IPO11: variants seen among roughly 807,000 people sequenced by gnomAD.
The protein encoded by IPO11 is importin-11.
IPO11 carries 66 observed loss-of-function variants against 143.2 expected under a neutral mutation model. The ratio of observed to expected loss-of-function variants is 0.46; its 90% CI spans 0.38 to 0.57. The LOEUF (loss-of-function observed/expected upper bound fraction) is 0.57, where lower values mean the gene tolerates loss of function less well. Ranked by LOEUF, IPO11 falls within the 20% of genes least tolerant of loss-of-function variation. IPO11 has a pLI of 0.00. For missense variants in IPO11, 1,026 were observed against 1,141.0 expected, an observed-to-expected ratio of 0.90 and a Z score of 1.45; for synonymous variants, 385 against 377.8, an observed-to-expected ratio of 1.02 and a Z score of -0.22.
intron 29 of IPO11, among the ~76,000 whole-genome samples, chr5:62,612,912 G>C (rs985517329): frequency 2.6e-5 from 4 of 152,216 alleles, no homozygotes; most frequent in Non-Finnish European, 4.4e-5. Flanking sequence ...AAGTTTGTAA[G>C]TCTGTAGGAA....
intron 2 of IPO11, among the ~76,000 whole-genome samples, chr5:62,439,890 C>T (rs370854841): frequency 3.9e-5 from 6 of 152,194 alleles, no homozygotes; most frequent in African/African-American, 1.4e-4. Flanking sequence ...TGATCTCAGG[C>T]TTATGTTCTA....
At position 62,412,765 on chromosome 5, in the gene IPO11, C is replaced by T. The variant is rs1477423663; in HGVS notation, c.-171C>T. The T allele has an allele frequency of 2.6e-5, 4 of 152,756 alleles. No homozygotes were observed. The highest frequency in any genetic ancestry group is 5.9e-5 in the Non-Finnish European group (4 of 68,072). 9.5% of individuals were successfully genotyped at this position (152,756 alleles called of 1,614,324 possible). On this transcript the variant is annotated 5_prime_UTR_variant, in exon 1 of 30. Coordinates refer to ENST00000325324, the MANE Select transcript of IPO11 (RefSeq NM_016338.5). The stretch of plus-strand genomic sequence containing the variant: ...TGACGTAGTTTTCGCGCGTCCGCGT[C>T]GTTTGGAGCTGCGACGCCAAACATG...
chr5:62,445,079 C>T (rs2112149322), intron 3 of IPO11, among the ~76,000 whole-genome samples: 1 of 152,074 alleles, frequency 6.6e-6, no homozygotes, highest in Admixed American at 6.5e-5. Flanking sequence ...CAAGCTGTCT[C>T]TTTTAGTATA....
rs1219114238 is a variant in IPO11 at position 62,484,171 on chromosome 5, T to G, written c.1174+9T>G. On this transcript the variant is annotated intron_variant, in intron 11 of 29. Coordinates refer to ENST00000325324, the MANE Select transcript of IPO11 (RefSeq NM_016338.5). The stretch of plus-strand genomic sequence containing the variant: ...AGACCCAGAAGGCTTTAGTAAGAAT[T>G]AATTTTTTAGTGTTAGAATGACTTT... The G allele has an allele frequency of 6.3e-7, 1 of 1,583,280 alleles. No individual in the cohort carries two copies. The highest frequency in any genetic ancestry group is 8.5e-7 in the Non-Finnish European group (1 of 1,170,782).
At chr5:62,564,412 A>G (rs983431628) in intron 27 of IPO11, among the ~76,000 whole-genome samples, 1 of 152,160 alleles carries the variant, frequency 6.6e-6, no homozygotes, top group African/African-American at 2.4e-5. Context: ...ATTTTTCTAC[A>G]TACTAGTAAT....
intron 16 of IPO11, 107 bp downstream of exon 16, chr5:62,494,231 T>C (rs1294552588): frequency 2.2e-6 from 2 of 900,700 alleles, no homozygotes; most frequent in Middle Eastern, 3.7e-4. Context: ...TTATGGCCTT[T>C]CACTGCACTA....
At chr5:62,485,582 T>A in intron 12 of IPO11, 120 bp downstream of exon 12, 3 of 811,554 alleles carry the variant, frequency 3.7e-6, no homozygotes, top group Non-Finnish European at 5.9e-6. Context: ...GCTCACACTT[T>A]AATCCTAGCA....
At chr5:62,485,356 T>C (rs1229507503) in intron 11 of IPO11, 63 bp from the exon 12 acceptor site, 15 of 1,304,358 alleles carry the variant, frequency 1.1e-5, no homozygotes, top group African/African-American at 7.3e-5. Context: ...CTGATGTTAT[T>C]AAAATCTTTG....
At chr5:62,482,633 A>G (rs1746255137) in intron 9 of IPO11, among the ~76,000 whole-genome samples, 2 of 152,192 alleles carry the variant, frequency 1.3e-5, no homozygotes, top group South Asian at 4.1e-4. Flanking sequence ...CAATGATGGC[A>G]TTCTAATTCT....
At chr5:62,539,131 A>G (rs1374704867) in intron 24 of IPO11, among the ~76,000 whole-genome samples, 1 of 152,008 alleles carries the variant, frequency 6.6e-6, no homozygotes, top group Non-Finnish European at 1.5e-5. Context: ...AAATACCACA[A>G]CCTTGGTGGC....
At chr5:62,523,431 G>A (rs1375412772) in intron 20 of IPO11, among the ~76,000 whole-genome samples, 9 of 152,234 alleles carry the variant, frequency 5.9e-5, no homozygotes, top group Admixed American at 1.3e-4. Context: ...AGGAAGAAAC[G>A]TTACGATTTT....
Position 62,556,218 on chromosome 5 carries a change from G to C in IPO11, c.2460+4882G>C, listed in dbSNP as rs144230055. Among the ~76,000 whole-genome samples, 721 of 152,250 alleles carry C rather than the reference G, an allele frequency of 4.7e-3. 4 individuals carry two copies. Among genetic ancestry groups the C allele is most frequent in the African/African-American group, 0.016 (682 of 41,540 alleles). On this transcript the variant is annotated intron_variant, in intron 26 of 29. Coordinates refer to ENST00000325324, the MANE Select transcript of IPO11 (RefSeq NM_016338.5). The stretch of plus-strand genomic sequence containing the variant: ...CAGGCACCTGTAATCCCAGCTACTT[G>C]GGGGGCTGAGGCAGGAGAATTGCTT...
intron 16 of IPO11, among the ~76,000 whole-genome samples, chr5:62,496,747 A>G (rs1197299760): frequency 6.6e-6 from 1 of 152,244 alleles, no homozygotes; most frequent in African/African-American, 2.4e-5. Flanking sequence ...ACAAACACAC[A>G]TTGTGTATGT....
intron 27 of IPO11, among the ~76,000 whole-genome samples, chr5:62,586,350 A>G (rs749267098): frequency 1.6e-4 from 24 of 152,130 alleles, no homozygotes; most frequent in Non-Finnish European, 3.1e-4. Flanking sequence ...TTATCAGTCA[A>G]AATTCCCTTT....
At chr5:62,468,610 G>A (rs906826457) in intron 6 of IPO11, among the ~76,000 whole-genome samples, 4 of 152,210 alleles carry the variant, frequency 2.6e-5, no homozygotes, top group Non-Finnish European at 4.4e-5. Flanking sequence ...ATACAAAGCT[G>A]TGTGTATAGT....
At chr5:62,435,164 A>ATATG (rs1744159299) in intron 1 of IPO11, among the ~76,000 whole-genome samples, 1 of 98,442 alleles carries the variant, frequency 1.0e-5, no homozygotes. Flanking sequence ...ATATATATGT[A>ATATG]TATATATGTA....
chr5:62,429,221 A>C (rs1743882362), intron 1 of IPO11, among the ~76,000 whole-genome samples: 1 of 152,098 alleles, frequency 6.6e-6, no homozygotes, highest in African/African-American at 2.4e-5. Context: ...TTTGTGTTAT[A>C]AATTTGCCTG....
intron 16 of IPO11, among the ~76,000 whole-genome samples, chr5:62,500,643 G>A (rs1409120298): frequency 2.0e-5 from 3 of 152,138 alleles, no homozygotes; most frequent in Non-Finnish European, 2.9e-5. Context: ...GATTACAAGT[G>A]CATGTTACCA....
intron 2 of IPO11, among the ~76,000 whole-genome samples, chr5:62,441,497 T>C (rs1263742073): frequency 1.1e-4 from 1 of 9,522 alleles, no homozygotes; most frequent in African/African-American, 7.2e-4. Context: ...GTGCCTGGCC[T>C]TTTTTTTTTT....
Sources: gnomAD v4.1 joint callset for allele counts (sites outside exome capture counted in the v4.1 genomes callset) on GRCh38, gnomAD v4.1.1 for gene constraint, MANE v1.5 for transcripts, NCBI Gene and HGNC (gene_info 2026-07-23, HGNC 2026-07-21) for gene names.